The following UNC5C variants were observed in gnomAD, a reference collection of about 807,000 sequenced individuals.
UNC5C encodes unc-5 netrin receptor C.
A neutral mutation model predicts 99.8 loss-of-function variants in UNC5C; 47 were observed. The ratio of observed to expected loss-of-function variants is 0.47; its 90% CI spans 0.37 to 0.60. UNC5C has a LOEUF of 0.60. UNC5C is among the 20% of genes least tolerant of loss of function. The pLI is 0.00. For synonymous variants in UNC5C, 487 were observed against 452.2 expected (o/e 1.08, Z -0.98); for missense variants, 1,062 against 1,165.9 (o/e 0.91, Z 1.30).
intron 1 of UNC5C, among the ~76,000 whole-genome samples, chr4:95,469,206 G>A (rs1747889814): frequency 6.6e-6 from 1 of 152,092 alleles, no homozygotes; most frequent in African/African-American, 2.4e-5. Context: ...TTAAAAACTT[G>A]TTCAGGCAGA....
chr4:95,448,001 A>G (rs1333520360), intron 1 of UNC5C, among the ~76,000 whole-genome samples: 2 of 152,076 alleles, frequency 1.3e-5, no homozygotes, highest in Non-Finnish European at 2.9e-5. Flanking sequence ...TAGAGCAAAC[A>G]ATCTCTTTCC....
chr4:95,405,389 G>T (rs1182126366), intron 1 of UNC5C, among the ~76,000 whole-genome samples: 2 of 152,160 alleles, frequency 1.3e-5, no homozygotes, highest in Non-Finnish European at 2.9e-5. Flanking sequence ...GGCCCTGTGA[G>T]GGGAATCAAA....
intron 1 of UNC5C, among the ~76,000 whole-genome samples, chr4:95,465,860 C>T (rs6846230): frequency 3.9e-5 from 6 of 152,074 alleles, no homozygotes; most frequent in East Asian, 3.9e-4. Context: ...CACTCCTGCC[C>T]GGGCCTTGGA....
chr4:95,321,031 T>C (rs1209143032), intron 2 of UNC5C, among the ~76,000 whole-genome samples: 1 of 152,206 alleles, frequency 6.6e-6, no homozygotes, highest in Non-Finnish European at 1.5e-5. Context: ...CATTGAAAGG[T>C]GTAATATTTT....
chr4:95,520,699 C>A (rs1394533198), intron 1 of UNC5C, among the ~76,000 whole-genome samples: 1 of 150,818 alleles, frequency 6.6e-6, no homozygotes, highest in African/African-American at 2.4e-5. Flanking sequence ...CCCAGGTTCA[C>A]GCCATTCTCC....
In UNC5C at chr4:95,281,815, T is replaced by C. The variant is rs367857066; in HGVS notation, c.491-3453A>G. Among the ~76,000 whole-genome samples the C allele has an allele frequency of 2.0e-5, 3 of 152,210 alleles. No individual in the cohort carries two copies. In the East Asian group the frequency reaches 5.8e-4, roughly 29 times the overall value. ...CTGAAAAGTATAGTAGTCTAGATCATGGTTCCTAAACCTCAACCCTTTTAA... is the reference window on the plus strand; with the variant it reads ...CTGAAAAGTATAGTAGTCTAGATCACGGTTCCTAAACCTCAACCCTTTTAA... On this transcript the variant is annotated intron_variant, in intron 3 of 15. Coordinates refer to ENST00000453304, the MANE Select transcript of UNC5C (RefSeq NM_003728.4).
intron 1 of UNC5C, among the ~76,000 whole-genome samples, chr4:95,349,039 A>G (rs980416706): frequency 6.6e-6 from 1 of 151,700 alleles, no homozygotes; most frequent in Non-Finnish European, 1.5e-5. Context: ...GATAAAATGT[A>G]TAAGATCTAG....
intron 1 of UNC5C, among the ~76,000 whole-genome samples, chr4:95,499,017 T>C (rs954812062): frequency 3.3e-5 from 5 of 152,086 alleles, no homozygotes; most frequent in African/African-American, 9.7e-5. Flanking sequence ...TTTTTCCTCA[T>C]GGACATGGAA....
At chr4:95,536,140 C>T (rs1416794615) in intron 1 of UNC5C, among the ~76,000 whole-genome samples, 4 of 150,010 alleles carry the variant, frequency 2.7e-5, no homozygotes, top group East Asian at 2.0e-4. Flanking sequence ...TGCAATAGCA[C>T]GATCTCTGCT....
chr4:95,433,549 A>G (rs1436404567), intron 1 of UNC5C, among the ~76,000 whole-genome samples: 1 of 152,090 alleles, frequency 6.6e-6, no homozygotes, highest in East Asian at 1.9e-4. Context: ...TCATACTTCT[A>G]TATATTTATC....
chr4:95,520,175 C>T (rs998572600), intron 1 of UNC5C, among the ~76,000 whole-genome samples: 1 of 152,152 alleles, frequency 6.6e-6, no homozygotes, highest in African/African-American at 2.4e-5. Flanking sequence ...ATCTCTAGAT[C>T]TTTCTACAGA....
chr4:95,239,958 A>G (rs1173214184), intron 7 of UNC5C, among the ~76,000 whole-genome samples: 1 of 152,184 alleles, frequency 6.6e-6, no homozygotes, highest in African/African-American at 2.4e-5. Flanking sequence ...TCTCCTATCT[A>G]GCAGTACACC....
Position 95,219,993 on chromosome 4 carries a change from G to T in UNC5C, c.1292C>A (p.Ala431Glu). The change falls in exon 8 of 16, where the codon GCA (alanine) becomes GAA (glutamate). Residue 431 changes from alanine to glutamate, a missense_variant. Transcript: ENST00000453304. ...GGFQPVNIKA[A>E]RQDLLAVPPD... ...GTGGAATGTCAACTGACCTTGTCTTGCTGCCTTGATGTTCACAGGCTGAAA... is the reference window on the plus strand; with the variant it reads ...GTGGAATGTCAACTGACCTTGTCTTTCTGCCTTGATGTTCACAGGCTGAAA... 6.2e-7 allele frequency: 1 copy of T among 1,613,282 alleles called. No homozygotes were observed. The highest frequency in any genetic ancestry group is 1.1e-5 in the South Asian group (1 of 90,980).
chr4:95,295,979 G>T (rs547713078), intron 3 of UNC5C, among the ~76,000 whole-genome samples: 1 of 152,088 alleles, frequency 6.6e-6, no homozygotes, highest in African/African-American at 2.4e-5. Context: ...CCAGCTACAT[G>T]GGGGGGAGGC....
chr4:95,466,162 A>T (rs1747770451), intron 1 of UNC5C, among the ~76,000 whole-genome samples: 1 of 152,190 alleles, frequency 6.6e-6, no homozygotes, highest in African/African-American at 2.4e-5. Flanking sequence ...CCTGCAAATG[A>T]CAAGGTTCTG....
chr4:95,202,044 A>G (rs981343504), intron 12 of UNC5C, among the ~76,000 whole-genome samples: 97 of 152,246 alleles, frequency 6.4e-4, no homozygotes, highest in African/African-American at 2.2e-3. Flanking sequence ...GCTCCTTTTC[A>G]GATTTCCTCA....
intron 1 of UNC5C, among the ~76,000 whole-genome samples, chr4:95,518,938 G>A (rs902032631): frequency 2.0e-5 from 3 of 152,078 alleles, no homozygotes; most frequent in African/African-American, 7.2e-5. Context: ...ACTTCCCAAA[G>A]TGTCTTATTT....
chr4:95,202,940 T>C lies in UNC5C; in HGVS notation c.1927A>G (p.Asn643Asp). 6.2e-7 allele frequency: 1 copy of C among 1,613,834 alleles called. No homozygotes were observed. Among genetic ancestry groups the C allele is most frequent in the Non-Finnish European group, 8.5e-7 (1 of 1,179,990 alleles). The change falls in exon 12 of 16, where the codon AAC (asparagine) becomes GAC (aspartate). Residue 643 changes from asparagine to aspartate, a missense_variant. Physicochemically the swap from Asn to Asp is conservative, Grantham distance 23. Transcript: ENST00000453304. ...TGAATGTAGCAGGGGGTGGTGAAGTTTTCCTCCCCGACCACCACCACATCC... is the reference window on the plus strand; with the variant it reads ...TGAATGTAGCAGGGGGTGGTGAAGTCTTCCTCCCCGACCACCACCACATCC... ...WEDVVVVGEE[N>D]FTTPCYIQLD...
intron 3 of UNC5C, among the ~76,000 whole-genome samples, chr4:95,295,452 T>C (rs1741639228): frequency 6.6e-6 from 1 of 152,256 alleles, no homozygotes; most frequent in Non-Finnish European, 1.5e-5. Flanking sequence ...TTTTTTCCTC[T>C]GCCTTGATTG....
Sources: gnomAD v4.1 joint callset for allele counts (sites outside exome capture counted in the v4.1 genomes callset) on GRCh38, gnomAD v4.1.1 for gene constraint, MANE v1.5 for transcripts, NCBI Gene and HGNC (gene_info 2026-07-23, HGNC 2026-07-21) for gene names.